LCP1: variants seen among roughly 807,000 people sequenced by gnomAD.
The protein encoded by LCP1 is plastin-2.
Under a neutral mutation model 72.0 loss-of-function variants are expected in LCP1, and 23 were observed. The observed-to-expected ratio is 0.32, with a 90% confidence interval of 0.23 to 0.45. The LOEUF (loss-of-function observed/expected upper bound fraction) is 0.45. Among genes scored for constraint, LCP1 ranks in the 20% least tolerant of loss-of-function variants. The pLI, the probability that LCP1 is intolerant of heterozygous loss-of-function variation, is 1.00. For synonymous variants in LCP1, 245 were observed against 275.4 expected (o/e 0.89, Z 1.09); for missense variants, 571 against 748.3 (o/e 0.76, Z 2.76).
rs752733909 is a variant in LCP1 at position 46,130,883 on chromosome 13, G to A, written c.1682C>T (p.Pro561Leu). The A allele has an allele frequency of 3.1e-6, 5 of 1,612,836 alleles. No homozygotes were observed. Among genetic ancestry groups the A allele is most frequent in the South Asian group, 1.1e-5 (1 of 90,838 alleles). ...PVLDLIDAIQPGSINYDLLKT... is the reference protein window; with the variant it reads ...PVLDLIDAIQLGSINYDLLKT... ...CAGAAGGTCATAGTTAATGGAACCT[G>A]GTTGGATGGCATCGATGAGGTCCAG... Residue 561 changes from proline to leucine, a missense_variant, in exon 15 of 16, where the codon CCA becomes CTA. Coordinates refer to ENST00000323076, the MANE Select transcript of LCP1 (RefSeq NM_002298.5).
intron 13 of LCP1, among the ~76,000 whole-genome samples, chr13:46,135,743 C>CTTTTTTTTTTTTTTTTT (rs71074757): frequency 7.7e-6 from 1 of 130,604 alleles, no homozygotes; most frequent in African/African-American, 2.9e-5. Context: ...TCTGGTCTGT[C>CTTTTTTTTTTTTTTTTT]TTTTTTTTTT....
intron 5 of LCP1, among the ~76,000 whole-genome samples, chr13:46,155,696 C>T (rs2045795993): frequency 6.6e-6 from 1 of 152,156 alleles, no homozygotes; most frequent in African/African-American, 2.4e-5. Context: ...GCAAGAGCTA[C>T]AGAGGTATTT....
At chr13:46,144,680 T>C (rs2045719584) in intron 10 of LCP1, among the ~76,000 whole-genome samples, 160 bp from the exon 11 acceptor site, 1 of 152,230 alleles carries the variant, frequency 6.6e-6, no homozygotes, top group South Asian at 2.1e-4. Context: ...TTATACTGTG[T>C]TAATTTTTCT....
Position 46,152,882 on chromosome 13 carries a change from C to A in LCP1, c.637G>T (p.Ala213Ser). ...AIGCHVVNIG[A>S]EDLKEGKPYL... ...GGCTTCCCCTCCTTCAGGTCCTCAG[C>A]CCCTATGTTGACCACATGGCACCCG... The change falls in exon 7 of 16, where the codon GCT (alanine) becomes TCT (serine). Residue 213 changes from alanine (A) to serine (S), a missense_variant. Physicochemically the swap from Ala to Ser is moderately conservative, Grantham distance 99. Transcript: ENST00000323076. 2 of 1,614,088 alleles carry A rather than the reference C, an allele frequency of 1.2e-6. No individual in the cohort carries two copies. The highest frequency in any genetic ancestry group is 1.7e-6 in the Non-Finnish European group (2 of 1,180,008).
intron 14 of LCP1, 69 bp from the exon 15 acceptor site, chr13:46,131,007 T>G: frequency 1.4e-6 from 2 of 1,479,656 alleles, no homozygotes; most frequent in South Asian, 2.9e-5. Flanking sequence ...TCAAAGGAAG[T>G]GGGTGGCTTT....
At position 46,158,850 on chromosome 13, in the gene LCP1, C is replaced by G; in HGVS notation, c.204G>C (p.Arg68Ser). 6.2e-7 allele frequency: 1 copy of G among 1,614,140 alleles called. No individual in the cohort carries two copies. Among genetic ancestry groups the G allele is most frequent in the South Asian group, 1.1e-5 (1 of 91,080 alleles). The change falls in exon 3 of 16, where the codon AGG becomes AGC. Residue 68 changes from arginine (R) to serine (S), a missense_variant. By Grantham distance (110) the Arg-to-Ser change is moderately radical. Coordinates refer to ENST00000323076, the MANE Select transcript of LCP1 (RefSeq NM_002298.5). Reference sequence around the variant, plus strand: ...CCTTGATAAACTCATCAAAGCTGATCCTTCCATCTTGGTCCAGATCACCTG... The same window carrying G: ...CCTTGATAAACTCATCAAAGCTGATGCTTCCATCTTGGTCCAGATCACCTG... ...MATGDLDQDG[R>S]ISFDEFIKIF...
At chr13:46,174,834 C>CAAAAAAAAAAAA (rs398056355) in intron 1 of LCP1, among the ~76,000 whole-genome samples, 1 of 82,264 alleles carries the variant, frequency 1.2e-5, no homozygotes, top group African/African-American at 4.3e-5. Context: ...ACTCCATCTT[C>CAAAAAAAAAAAA]AAAAAAAAAA....
chr13:46,132,988 T>A (rs577579974), intron 14 of LCP1, among the ~76,000 whole-genome samples: 1 of 152,170 alleles, frequency 6.6e-6, no homozygotes, highest in African/African-American at 2.4e-5. Context: ...GTAGTTAAGA[T>A]GGCACAGGCA....
chr13:46,130,959 G>C, intron 14 of LCP1, 21 bp from the exon 15 acceptor site: 1 of 1,560,870 alleles, frequency 6.4e-7, no homozygotes, highest in Non-Finnish European at 8.6e-7. Flanking sequence ...ACACAGGGAG[G>C]GTTTCATCAA....
rs1300412434 is a variant in LCP1 at position 46,126,479 on chromosome 13, GTA to G, written c.*1110_*1111del. The G allele has an allele frequency of 4.3e-6, 1 of 232,674 alleles. No homozygotes were observed. The highest frequency in any genetic ancestry group is 8.5e-6 in the Non-Finnish European group (1 of 117,444). 14.4% of individuals were successfully genotyped at this position (232,674 alleles called of 1,614,324 possible). A position where few individuals can be genotyped will look rare whatever the true frequency, so the allele number is the denominator to read the frequency against. ...GCTGGCTAGGTGTGTGTGTATGTGA[GTA>G]GGGGTGCTATTGATTGGCACATATT... is the stretch of plus-strand genomic sequence containing the variant. On this transcript the variant is annotated 3_prime_UTR_variant, in exon 16 of 16. Coordinates refer to ENST00000323076, the MANE Select transcript of LCP1 (RefSeq NM_002298.5).
rs1245445257 is a variant in LCP1, at chr13:46,177,678, G to A, written c.-25+4433C>T. On this transcript the variant is annotated intron_variant, in intron 1 of 15. Transcript: ENST00000323076. ...CGCGCCACTGCACTCCAGCCTGGGC[G>A]ACAGAGTGAAACTCTGTCTCAAAAA... 2.0e-5 allele frequency among the ~76,000 whole-genome samples: 3 copies of A among 152,052 alleles called. No individual in the cohort carries two copies. In the East Asian group the frequency reaches 5.8e-4, roughly 29 times the overall value.
intron 6 of LCP1, chr13:46,153,274 C>A: frequency 5.8e-6 from 1 of 173,558 alleles, no homozygotes. Flanking sequence ...TCTCTATTGG[C>A]CAAAAATAAA....
At chr13:46,138,007 T>C (rs74874175) in intron 13 of LCP1, among the ~76,000 whole-genome samples, 1 of 152,268 alleles carries the variant, frequency 6.6e-6, no homozygotes. Context: ...CACAGCCTGT[T>C]TGACCTGGGG....
At chr13:46,137,636 GC>G (rs2045672949) in intron 13 of LCP1, among the ~76,000 whole-genome samples, 1 of 152,218 alleles carries the variant, frequency 6.6e-6, no homozygotes, top group East Asian at 1.9e-4. Flanking sequence ...AACTAATTTG[GC>G]CTGTGTCTTT....
chr13:46,127,756 G>A (rs1201649916), intron 15 of LCP1, 33 bp from the exon 16 acceptor site: 1 of 1,613,218 alleles, frequency 6.2e-7, no homozygotes, highest in Non-Finnish European at 8.5e-7. Flanking sequence ...AATAAGGAGA[G>A]CCTGAGAAAC....
chr13:46,162,993 G>A (rs889269889), intron 1 of LCP1, among the ~76,000 whole-genome samples: 5 of 148,350 alleles, frequency 3.4e-5, no homozygotes, highest in African/African-American at 1.2e-4. Flanking sequence ...GCCGGCAGCC[G>A]CCCCGTCGGG....
chr13:46,138,835 T>TG (rs2045680749), intron 13 of LCP1, among the ~76,000 whole-genome samples: 1 of 152,082 alleles, frequency 6.6e-6, no homozygotes, highest in African/African-American at 2.4e-5. Flanking sequence ...TTAGTAGAGA[T>TG]GGGGTTTCAC....
At chr13:46,149,641 A>G (rs1040374181) in intron 8 of LCP1, among the ~76,000 whole-genome samples, 1 of 152,212 alleles carries the variant, frequency 6.6e-6, no homozygotes, top group African/African-American at 2.4e-5. Flanking sequence ...GTCAGTTGCC[A>G]TGCAGCGGCT....
At chr13:46,179,119 T>G (rs1357641084) in intron 1 of LCP1, among the ~76,000 whole-genome samples, 1 of 152,200 alleles carries the variant, frequency 6.6e-6, no homozygotes, top group African/African-American at 2.4e-5. Flanking sequence ...ACCAATGTAT[T>G]TATACTAAAA....
Sources: gnomAD v4.1 joint callset for allele counts (sites outside exome capture counted in the v4.1 genomes callset) on GRCh38, gnomAD v4.1.1 for gene constraint, MANE v1.5 for transcripts, NCBI Gene and HGNC (gene_info 2026-07-23, HGNC 2026-07-21) for gene names.